OXR1: variants seen among roughly 807,000 people sequenced by gnomAD.
The protein encoded by OXR1 is oxidation resistance protein 1.
Under a neutral mutation model 104.6 loss-of-function variants are expected in OXR1, and 41 were observed. The ratio of observed to expected loss-of-function variants is 0.39; its 90% CI spans 0.31 to 0.51. OXR1 has a LOEUF of 0.51. OXR1 is among the 20% of genes least tolerant of loss of function. The pLI is 0.77. For synonymous variants in OXR1, 348 were observed against 348.4 expected (o/e 1.00, Z 0.01); for missense variants, 955 against 1,031.9 (o/e 0.93, Z 1.02).
intron 3 of OXR1, among the ~76,000 whole-genome samples, chr8:106,662,042 G>A (rs1825816945): frequency 6.6e-6 from 1 of 152,166 alleles, no homozygotes; most frequent in Admixed American, 6.5e-5. Flanking sequence ...GACAATGGTG[G>A]ATAGCAGTAG....
At chr8:106,733,128 G>A (rs1834049351) in intron 11 of OXR1, among the ~76,000 whole-genome samples, 1 of 152,138 alleles carries the variant, frequency 6.6e-6, no homozygotes, top group Admixed American at 6.5e-5. Flanking sequence ...ATAGGCTCAA[G>A]TGATCCTCTC....
intron 1 of OXR1, among the ~76,000 whole-genome samples, chr8:106,273,543 A>G (rs1040383571): frequency 2.0e-5 from 3 of 152,222 alleles, no homozygotes; most frequent in African/African-American, 7.2e-5. Flanking sequence ...TAAACTGGAC[A>G]GCCTTCTGCA....
chr8:106,701,683 T>C (rs1025758588), intron 7 of OXR1, among the ~76,000 whole-genome samples: 2 of 152,198 alleles, frequency 1.3e-5, no homozygotes, highest in Non-Finnish European at 2.9e-5. Context: ...AGGAATTATA[T>C]ATAGCATAAA....
chr8:106,557,121 T>G (rs985186076), intron 3 of OXR1, among the ~76,000 whole-genome samples: 1 of 152,230 alleles, frequency 6.6e-6, no homozygotes, highest in Admixed American at 6.5e-5. Flanking sequence ...TTGCTCTAAT[T>G]GTGGTTAATA....
chr8:106,424,683 A>G (rs1819037921), intron 2 of OXR1, among the ~76,000 whole-genome samples: 1 of 152,136 alleles, frequency 6.6e-6, no homozygotes, highest in African/African-American at 2.4e-5. Context: ...AAAATTATAA[A>G]TCTCCAGTGA....
intron 7 of OXR1, among the ~76,000 whole-genome samples, chr8:106,698,930 G>T (rs1397202342): frequency 1.3e-5 from 2 of 151,948 alleles, no homozygotes; most frequent in African/African-American, 4.8e-5. Flanking sequence ...CAGACATCAT[G>T]AATTTTATGT....
intron 1 of OXR1, among the ~76,000 whole-genome samples, chr8:106,343,093 C>G (rs1815323942): frequency 6.6e-6 from 1 of 152,212 alleles, no homozygotes; most frequent in Non-Finnish European, 1.5e-5. Flanking sequence ...TCACTCCCAG[C>G]TACCTTCTTT....
At chr8:106,465,515 A>C (rs938562411) in intron 2 of OXR1, among the ~76,000 whole-genome samples, 2 of 152,016 alleles carry the variant, frequency 1.3e-5, no homozygotes, top group Non-Finnish European at 2.9e-5. Context: ...TTTTAAGAGT[A>C]GACTAAGGCA....
chr8:106,629,208 A>G (rs1307623965), intron 3 of OXR1, among the ~76,000 whole-genome samples: 1 of 152,140 alleles, frequency 6.6e-6, no homozygotes, highest in Non-Finnish European at 1.5e-5. Flanking sequence ...AAGATTAGTT[A>G]TACCTTGTGT....
At chr8:106,632,955 G>A (rs1434658090) in intron 3 of OXR1, among the ~76,000 whole-genome samples, 1 of 149,002 alleles carries the variant, frequency 6.7e-6, no homozygotes, top group African/African-American at 2.5e-5. Flanking sequence ...CAGCCAACCG[G>A]CCGGGTGCGG....
intron 3 of OXR1, among the ~76,000 whole-genome samples, chr8:106,654,090 C>T (rs950617782): frequency 3.3e-5 from 5 of 151,984 alleles, no homozygotes. Flanking sequence ...GGAAAGACAT[C>T]CTTTTGTTTA....
chr8:106,749,830 C>T (rs1019020547), intron 16 of OXR1, among the ~76,000 whole-genome samples: 3 of 152,036 alleles, frequency 2.0e-5, no homozygotes, highest in African/African-American at 7.2e-5. Flanking sequence ...AAGAAGTCCT[C>T]TCATAACCTG....
chr8:106,618,084 A>G, intron 3 of OXR1: 1 of 1,535,710 alleles, frequency 6.5e-7, no homozygotes, highest in Non-Finnish European at 8.7e-7. Flanking sequence ...CCTGAGAAGC[A>G]CAGGAATCAA....
At chr8:106,339,451 A>C (rs1171262679) in intron 1 of OXR1, among the ~76,000 whole-genome samples, 4 of 142,112 alleles carry the variant, frequency 2.8e-5, no homozygotes, top group Non-Finnish European at 6.1e-5. Context: ...GCTGAGATCA[A>C]GCCACTACAC....
At chr8:106,468,012 G>A (rs961612114) in intron 2 of OXR1, among the ~76,000 whole-genome samples, 1 of 151,790 alleles carries the variant, frequency 6.6e-6, no homozygotes, top group Non-Finnish European at 1.5e-5. Flanking sequence ...AGATGGAGAT[G>A]GATGGATAAA....
At chr8:106,656,036 C>G (rs1290393898) in intron 3 of OXR1, 1 of 152,104 alleles carries the variant, frequency 6.6e-6, no homozygotes, top group Non-Finnish European at 1.5e-5. Flanking sequence ...AGATGTAAAA[C>G]ATATCTTAGA....
intron 3 of OXR1, among the ~76,000 whole-genome samples, chr8:106,557,025 T>C (rs1023574722): frequency 6.6e-6 from 1 of 152,202 alleles, no homozygotes; most frequent in Non-Finnish European, 1.5e-5. Flanking sequence ...AGTTTTCTTT[T>C]TTCCCCAAAC....
intron 1 of OXR1, among the ~76,000 whole-genome samples, chr8:106,325,473 A>G (rs774376804): frequency 1.3e-5 from 2 of 152,188 alleles, no homozygotes; most frequent in Non-Finnish European, 2.9e-5. Flanking sequence ...TTATCAAATA[A>G]CTTCTCTGTG....
chr8:106,750,157 C>CAA (rs35035369), intron 16 of OXR1, among the ~76,000 whole-genome samples: 83 of 145,244 alleles, frequency 5.7e-4, no homozygotes, highest in Admixed American at 7.5e-4. Flanking sequence ...CACACATACA[C>CAA]AAAAAAAAAA....
Sources: gnomAD v4.1 joint callset for allele counts (sites outside exome capture counted in the v4.1 genomes callset) on GRCh38, gnomAD v4.1.1 for gene constraint, MANE v1.5 for transcripts, NCBI Gene and HGNC (gene_info 2026-07-23, HGNC 2026-07-21) for gene names.